SCLT1: variants seen among roughly 807,000 people sequenced by gnomAD.
SCLT1 encodes sodium channel-associated protein 1.
In SCLT1, 78 loss-of-function variants were observed where a neutral mutation model predicts 112.8. The ratio of observed to expected loss-of-function variants is 0.69; its 90% confidence interval spans 0.58 to 0.83. The LOEUF is 0.83. Ranked by LOEUF, SCLT1 falls within the 40% of genes least tolerant of loss-of-function variation. SCLT1 has a pLI of 0.00. For missense variants in SCLT1, 747 were observed against 770.4 expected (o/e 0.97, Z 0.36); for synonymous variants, 257 against 254.7 (o/e 1.01, Z -0.09).
intron 18 of SCLT1, among the ~76,000 whole-genome samples, chr4:128,928,844 A>T (rs1204868898): frequency 6.6e-6 from 1 of 152,172 alleles, no homozygotes; most frequent in Non-Finnish European, 1.5e-5. Context: ...CAAAAAAAAA[A>T]AAAATTAATA....
At chr4:128,924,026 T>A (rs1276569866) in intron 18 of SCLT1, among the ~76,000 whole-genome samples, 1 of 151,950 alleles carries the variant, frequency 6.6e-6, no homozygotes, top group African/African-American at 2.4e-5. Flanking sequence ...GTTGCCCAGG[T>A]TGGTCTATGT....
At chr4:128,977,182 G>T (rs921128925) in intron 9 of SCLT1, among the ~76,000 whole-genome samples, 3 of 152,154 alleles carry the variant, frequency 2.0e-5, no homozygotes, top group African/African-American at 7.2e-5. Context: ...GGGATTCTAT[G>T]CATTCATTCT....
chr4:129,005,855 T>C (rs55865936), intron 5 of SCLT1, among the ~76,000 whole-genome samples: 80,068 of 150,056 alleles, frequency 0.53, 24,108 homozygotes, highest in South Asian at 0.68. Flanking sequence ...GATGAGTTCA[T>C]GTCCTTTGTA....
chr4:129,070,986 T>C (rs781374191), intron 2 of SCLT1, among the ~76,000 whole-genome samples: 2 of 152,182 alleles, frequency 1.3e-5, no homozygotes. Flanking sequence ...ATTACTGTCA[T>C]TCAGTTAGAA....
At chr4:129,012,190 A>C (rs1744591605) in intron 5 of SCLT1, among the ~76,000 whole-genome samples, 1 of 152,066 alleles carries the variant, frequency 6.6e-6, no homozygotes, top group Non-Finnish European at 1.5e-5. Flanking sequence ...TTCCCTCTTA[A>C]CACTGCCTTA....
At chr4:129,043,765 A>T (rs2125699488) in intron 3 of SCLT1, among the ~76,000 whole-genome samples, 1 of 152,276 alleles carries the variant, frequency 6.6e-6, no homozygotes, top group Middle Eastern at 3.4e-3. Flanking sequence ...ACAAACAAAA[A>T]TGTTTCTAGA....
At chr4:129,004,645 T>A (rs185028568) in intron 5 of SCLT1, among the ~76,000 whole-genome samples, 141 of 152,146 alleles carry the variant, frequency 9.3e-4, no homozygotes, top group African/African-American at 3.2e-3. Flanking sequence ...GTAAATACAT[T>A]ACAAAGTGAA....
intron 9 of SCLT1, among the ~76,000 whole-genome samples, chr4:128,978,636 AG>A (rs925066616): frequency 3.3e-5 from 5 of 152,178 alleles, no homozygotes; most frequent in Non-Finnish European, 1.5e-5. Context: ...GAATAGATGG[AG>A]GGGGGCTGAA....
At chr4:129,050,219 T>C (rs1748643891) in intron 2 of SCLT1, among the ~76,000 whole-genome samples, 1 of 151,160 alleles carries the variant, frequency 6.6e-6, no homozygotes, top group African/African-American at 2.4e-5. Context: ...TGTGTCTTTA[T>C]AGAATAATTT....
At chr4:129,003,589 C>T in intron 6 of SCLT1, 152 bp downstream of exon 6, 2 of 575,540 alleles carry the variant, frequency 3.5e-6, no homozygotes, top group Non-Finnish European at 5.7e-6. Context: ...GTATTTATTA[C>T]AAGTGTTGCT....
chr4:128,918,962 A>G (rs973841540), intron 18 of SCLT1, among the ~76,000 whole-genome samples: 3 of 152,186 alleles, frequency 2.0e-5, no homozygotes, highest in Non-Finnish European at 4.4e-5. Context: ...GACTTAGATA[A>G]GCACACAATA....
chr4:129,000,964 A>C (rs572626081), intron 6 of SCLT1, among the ~76,000 whole-genome samples: 2 of 152,016 alleles, frequency 1.3e-5, no homozygotes, highest in South Asian at 2.1e-4. Context: ...AAAAAACAAA[A>C]ACTGTAGGCT....
chr4:129,038,263 A>G (rs148818138), intron 5 of SCLT1: 8 of 154,140 alleles, frequency 5.2e-5, no homozygotes, highest in African/African-American at 1.4e-4. Flanking sequence ...ATATAGATCA[A>G]TATAAACTCA....
chr4:129,031,730 A>G (rs1267907045), intron 5 of SCLT1, among the ~76,000 whole-genome samples: 3 of 152,158 alleles, frequency 2.0e-5, no homozygotes, highest in Admixed American at 6.5e-5. Context: ...AGAGAATAAA[A>G]TACGTAGGAA....
chr4:128,893,372 A>T (rs1013248642), intron 18 of SCLT1, among the ~76,000 whole-genome samples: 1 of 152,194 alleles, frequency 6.6e-6, no homozygotes, highest in South Asian at 2.1e-4. Flanking sequence ...ATAGTGAGCA[A>T]CTTCATTATT....
chr4:128,904,462 T>C (rs968754771), intron 18 of SCLT1, among the ~76,000 whole-genome samples: 3 of 152,156 alleles, frequency 2.0e-5, no homozygotes, highest in Non-Finnish European at 2.9e-5. Context: ...AATTAAATGC[T>C]TAAATAAACA....
intron 5 of SCLT1, among the ~76,000 whole-genome samples, chr4:129,005,469 T>A (rs200121818): frequency 5.9e-5 from 9 of 151,970 alleles, no homozygotes; most frequent in Non-Finnish European, 1.5e-5. Context: ...CAATGAGATA[T>A]CATCTCACAC....
At position 129,043,987 on chromosome 4, in the gene SCLT1, CT is replaced by C; in HGVS notation, c.161+5del. The C allele has an allele frequency of 7.2e-7, 1 of 1,396,872 alleles. No individual in the cohort carries two copies. The highest frequency in any genetic ancestry group is 1.0e-6 in the Non-Finnish European group (1 of 991,272). The allele number at this position is 1,396,872 out of a possible 1,614,324, so 86.5% of individuals were successfully genotyped here. On this transcript the variant is annotated splice_donor_5th_base_variant and intron_variant, in intron 3 of 20. Transcript: ENST00000281142. ...AGAAAATGATATTATTCTGGTAATA[CT>C]TTACCTTTGGTCAAATACTAGGTTT...
intron 17 of SCLT1, among the ~76,000 whole-genome samples, chr4:128,939,867 A>G (rs1737533249): frequency 6.6e-6 from 1 of 152,134 alleles, no homozygotes; most frequent in Non-Finnish European, 1.5e-5. Context: ...GAGGGAGAAA[A>G]ACAGCAAGGT....
Sources: gnomAD v4.1 joint callset for allele counts (sites outside exome capture counted in the v4.1 genomes callset) on GRCh38, gnomAD v4.1.1 for gene constraint, MANE v1.5 for transcripts, NCBI Gene and HGNC (gene_info 2026-07-23, HGNC 2026-07-21) for gene names.